COL25A1: variants seen among roughly 807,000 people sequenced by gnomAD.
The protein encoded by COL25A1 is collagen alpha-1(XXV) chain.
COL25A1 carries 103 observed loss-of-function variants against 128.4 expected under a neutral mutation model. The ratio of observed to expected loss-of-function variants is 0.80; its 90% confidence interval spans 0.68 to 0.94. COL25A1 has a LOEUF of 0.94. Among genes scored for constraint, COL25A1 ranks in the 40% least tolerant of loss-of-function variants. The pLI is 0.00. For missense variants in COL25A1, 745 were observed against 840.0 expected, an observed-to-expected ratio of 0.89 and a Z score of 1.40; for synonymous variants, 279 against 277.2, an observed-to-expected ratio of 1.01 and a Z score of -0.06.
chr4:109,084,192 C>T (rs139489944), intron 3 of COL25A1, among the ~76,000 whole-genome samples: 144 of 152,144 alleles, frequency 9.5e-4, no homozygotes, highest in African/African-American at 3.1e-3. Context: ...TCTGTTCTGA[C>T]TGTGGGACTG....
intron 3 of COL25A1, among the ~76,000 whole-genome samples, chr4:109,226,730 T>G (rs1030671602): frequency 6.6e-6 from 1 of 152,130 alleles, no homozygotes; most frequent in Non-Finnish European, 1.5e-5. Flanking sequence ...TTTAAAGACA[T>G]TTATTTACAT....
At chr4:108,875,000 G>A (rs1026297653) in intron 19 of COL25A1, among the ~76,000 whole-genome samples, 2 of 152,076 alleles carry the variant, frequency 1.3e-5, no homozygotes, top group Non-Finnish European at 2.9e-5. Flanking sequence ...TTTTACTTTT[G>A]TTATCAGTGA....
chr4:109,188,182 T>A (rs2126156574), intron 3 of COL25A1, among the ~76,000 whole-genome samples: 1 of 152,328 alleles, frequency 6.6e-6, no homozygotes, highest in Admixed American at 6.5e-5. Context: ...TTTTGATTCA[T>A]ACATACAGGG....
intron 3 of COL25A1, among the ~76,000 whole-genome samples, chr4:109,127,361 T>TTGCAACAGTA (rs201202264): frequency 6.6e-6 from 1 of 152,172 alleles, no homozygotes; most frequent in Admixed American, 6.6e-5. Context: ...TAAATTCTAG[T>TTGCAACAGTA]TGCAACAGTA....
At position 109,265,100 on chromosome 4, in the gene COL25A1, C is replaced by T. The variant is rs181430037; in HGVS notation, c.367+35483G>A. ...ACATATTTGACATTTCCAATTTTAGCCATGTCACTAAGATGGAAAAATTCA... is the reference window on the plus strand; with the variant it reads ...ACATATTTGACATTTCCAATTTTAGTCATGTCACTAAGATGGAAAAATTCA... On this transcript the variant is annotated intron_variant, in intron 3 of 37. Transcript: ENST00000399132. 4.9e-3 allele frequency among the ~76,000 whole-genome samples: 748 copies of T among 152,156 alleles called. 7 individuals are homozygous for T. The highest frequency in any genetic ancestry group is 0.017 in the African/African-American group (692 of 41,502).
intron 8 of COL25A1, among the ~76,000 whole-genome samples, chr4:108,973,778 T>C (rs1398601329): frequency 3.9e-5 from 6 of 152,186 alleles, no homozygotes; most frequent in Non-Finnish European, 7.4e-5. Context: ...CACCATTGTG[T>C]TATAATGGTT....
intron 28 of COL25A1, 30 bp downstream of exon 28, chr4:108,846,109 A>T: frequency 7.2e-7 from 1 of 1,392,926 alleles, no homozygotes; most frequent in Non-Finnish European, 1.0e-6. Context: ...TAATATAAAA[A>T]GTATAAACAA....
At chr4:109,024,970 C>T (rs1342622664) in intron 5 of COL25A1, among the ~76,000 whole-genome samples, 1 of 152,186 alleles carries the variant, frequency 6.6e-6, no homozygotes, top group Non-Finnish European at 1.5e-5. Context: ...GAGGTCATGA[C>T]TCCACATCAA....
At chr4:109,195,700 T>C (rs190101772) in intron 3 of COL25A1, among the ~76,000 whole-genome samples, 328 of 152,252 alleles carry the variant, frequency 2.2e-3, no homozygotes, top group African/African-American at 7.6e-3. Flanking sequence ...GAACAGATCA[T>C]GACATACAGA....
intron 3 of COL25A1, among the ~76,000 whole-genome samples, chr4:109,174,210 CT>C (rs1424522963): frequency 6.6e-6 from 1 of 152,116 alleles, no homozygotes; most frequent in African/African-American, 2.4e-5. Flanking sequence ...CATTAAAAGT[CT>C]GTGAATACAA....
At chr4:108,928,151 C>T (rs1746289904) in intron 11 of COL25A1, among the ~76,000 whole-genome samples, 1 of 152,148 alleles carries the variant, frequency 6.6e-6, no homozygotes, top group East Asian at 1.9e-4. Context: ...ATTTATGGTT[C>T]ACAAAGGCCT....
chr4:109,292,934 G>C (rs1038790044), intron 3 of COL25A1, among the ~76,000 whole-genome samples: 2 of 152,010 alleles, frequency 1.3e-5, no homozygotes, highest in African/African-American at 4.8e-5. Flanking sequence ...AGCATTTCTG[G>C]CATGACTTTA....
intron 19 of COL25A1, among the ~76,000 whole-genome samples, chr4:108,877,469 G>A (rs1394748510): frequency 1.3e-5 from 2 of 152,104 alleles, no homozygotes. Flanking sequence ...CAGAAATGAT[G>A]TAAACTACAG....
chr4:109,286,799 A>G (rs1723934385), intron 3 of COL25A1, among the ~76,000 whole-genome samples: 1 of 152,184 alleles, frequency 6.6e-6, no homozygotes. Context: ...AGGCCACCTA[A>G]TTCGATCTCT....
intron 3 of COL25A1, among the ~76,000 whole-genome samples, chr4:109,066,316 G>A (rs1266322383): frequency 6.6e-6 from 1 of 152,114 alleles, no homozygotes; most frequent in Non-Finnish European, 1.5e-5. Flanking sequence ...CCCCTGAAAT[G>A]CCACACAAAA....
rs182699443 is a variant in COL25A1, at chr4:108,938,531, C to T, written c.673-688G>A. Among the ~76,000 whole-genome samples the T allele has an allele frequency of 2.3e-4, 35 of 152,200 alleles. 1 individual carries two copies. The East Asian group carries it at 5.8e-3, about 25-fold the overall frequency. On this transcript the variant is annotated intron_variant, in intron 10 of 37. Transcript: ENST00000399132. ...TCTTTAAGGCTATGATGTGCTATGA[C>T]GGCGTCTGTGAATAGCCACTGCACT...
intron 24 of COL25A1, among the ~76,000 whole-genome samples, chr4:108,859,379 A>C (rs1736896588): frequency 6.6e-6 from 1 of 152,224 alleles, no homozygotes; most frequent in African/African-American, 2.4e-5. Context: ...AGGAGGCAAA[A>C]ATTGGCCAAA....
rs763005874 is a variant in COL25A1 at position 108,889,744 on chromosome 4, A to T, written c.907-11T>A. Reference sequence around the variant, plus strand: ...TGATCCAGGGTCACCCTAAAACGAAACCCAGGAGAGATTATCTCACAAGTT... The same window carrying T: ...TGATCCAGGGTCACCCTAAAACGAATCCCAGGAGAGATTATCTCACAAGTT... On this transcript the variant is annotated splice_polypyrimidine_tract_variant and intron_variant, in intron 16 of 37. Coordinates refer to ENST00000399132, the MANE Select transcript of COL25A1 (RefSeq NM_198721.4). 1 of 1,612,584 alleles carries T rather than the reference A, an allele frequency of 6.2e-7. No individual in the cohort carries two copies. Among genetic ancestry groups the T allele is most frequent in the Non-Finnish European group, 8.5e-7 (1 of 1,178,796 alleles).
intron 3 of COL25A1, among the ~76,000 whole-genome samples, chr4:109,127,061 T>A (rs1173849857): frequency 1.3e-5 from 2 of 152,188 alleles, no homozygotes; most frequent in Non-Finnish European, 2.9e-5. Context: ...GAAGAGTGAA[T>A]AAGAATTACT....
Sources: gnomAD v4.1 joint callset for allele counts (sites outside exome capture counted in the v4.1 genomes callset) on GRCh38, gnomAD v4.1.1 for gene constraint, MANE v1.5 for transcripts, NCBI Gene and HGNC (gene_info 2026-07-23, HGNC 2026-07-21) for gene names.